CCND3: variants seen among roughly 807,000 people sequenced by gnomAD.
The protein encoded by CCND3 is cyclin D3.
In CCND3, 9 loss-of-function variants were observed where a neutral mutation model predicts 28.7. The ratio of observed to expected loss-of-function variants is 0.31; its 90% CI spans 0.19 to 0.55. The LOEUF (loss-of-function observed/expected upper bound fraction) is 0.55. CCND3 is among the 20% of genes least tolerant of loss of function. The pLI is 0.93. For missense variants in CCND3, 315 were observed against 385.8 expected (o/e 0.82, Z 1.54); for synonymous variants, 164 against 163.9 (o/e 1.00, Z 0.00).
At chr6:42,003,162 C>CAAAAAAAAAAAAAAAA (rs55721061) in intron 1 of CCND3, among the ~76,000 whole-genome samples, 3 of 110,344 alleles carry the variant, frequency 2.7e-5, no homozygotes, top group African/African-American at 1.0e-4. Context: ...AACAGCGTGT[C>CAAAAAAAAAAAAAAAA]AAAAAAAAAA....
At chr6:42,024,989 T>G (rs1010299035) in intron 1 of CCND3, among the ~76,000 whole-genome samples, 1 of 151,594 alleles carries the variant, frequency 6.6e-6, no homozygotes, top group African/African-American at 2.4e-5. Context: ...ACCCAGGAGG[T>G]GGAGGTTGCA....
chr6:41,941,031 C>G lies in CCND3; in HGVS notation c.198+421G>C, dbSNP rs773012459. The G allele has an allele frequency of 1.2e-6, 2 of 1,604,732 alleles. No homozygotes were observed. The highest frequency in any genetic ancestry group is 2.2e-5 in the South Asian group (2 of 90,590). On this transcript the variant is annotated intron_variant, in intron 1 of 4. Coordinates refer to ENST00000372991, the MANE Select transcript of CCND3 (RefSeq NM_001760.5). The surrounding 1 kb of genome is among the most constrained non-coding windows in gnomAD (Gnocchi z 6.1). ...GTCGGCCGGAACAGGGCGCGCGCCA[C>G]CCCCATCGCCTTCCCCGCCAGAACC... is the stretch of plus-strand genomic sequence containing the variant.
At chr6:41,966,367 C>A (rs1427568110) in intron 1 of CCND3, among the ~76,000 whole-genome samples, 2 of 152,004 alleles carry the variant, frequency 1.3e-5, no homozygotes, top group African/African-American at 4.8e-5. Flanking sequence ...CTGCAATGAG[C>A]CATAATTGCC....
At chr6:42,044,579 A>G (rs1278792604) in intron 1 of CCND3, among the ~76,000 whole-genome samples, 1 of 152,104 alleles carries the variant, frequency 6.6e-6, no homozygotes, top group Non-Finnish European at 1.5e-5. Context: ...AGAAAGTTCT[A>G]CGTTTTTTGA....
intron 1 of CCND3, among the ~76,000 whole-genome samples, chr6:41,998,931 G>A (rs1184634081): frequency 8.6e-5 from 13 of 151,996 alleles, no homozygotes; most frequent in Non-Finnish European, 1.8e-4. Flanking sequence ...CGCCCGCCTC[G>A]GCCTCCCCAA....
At chr6:42,034,143 C>T (rs1764125555) in intron 1 of CCND3, among the ~76,000 whole-genome samples, 1 of 150,190 alleles carries the variant, frequency 6.7e-6, no homozygotes, top group African/African-American at 2.5e-5. Flanking sequence ...GAGCAAGACC[C>T]TGTCTTTTTT....
At position 42,048,801 on chromosome 6, in the gene CCND3, ACT is replaced by A; in HGVS notation, c.-348_-347del. 2.4e-6 allele frequency: 1 copy of A among 424,936 alleles called. No homozygotes were observed. The highest frequency in any genetic ancestry group is 1.6e-5 in the South Asian group (1 of 61,480). 26.3% of individuals were successfully genotyped at this position (424,936 alleles called of 1,614,324 possible). A position where few individuals can be genotyped will look rare whatever the true frequency, so the allele number is the denominator to read the frequency against. ...CAGCCAAGTTTCGGTCCCCGGCCTG[ACT>A]CTCCCACCCCCTGTACACCCTCGGC... On this transcript the variant is annotated 5_prime_UTR_variant, in exon 1 of 5. Coordinates refer to the CCND3 transcript ENST00000372988. The surrounding 1 kb of genome is among the most constrained non-coding windows in gnomAD (Gnocchi z 4.7).
intron 1 of CCND3, chr6:41,940,980 C>T (rs765830709): frequency 1.7e-5 from 28 of 1,612,846 alleles, no homozygotes; most frequent in Non-Finnish European, 2.4e-5. Context: ...GCTCCTGCCG[C>T]TGCCTCCTGC....
chr6:42,004,495 G>A (rs537036246), intron 1 of CCND3, among the ~76,000 whole-genome samples: 223 of 152,252 alleles, frequency 1.5e-3, no homozygotes, highest in African/African-American at 4.4e-3. Context: ...CACTTTGGGA[G>A]GCCCAGGCGG....
Position 41,935,925 on chromosome 6 carries a change from A to G in CCND3, c.*15T>C, listed in dbSNP as rs2127389118. On this transcript the variant is annotated 3_prime_UTR_variant, in exon 5 of 5. Coordinates refer to ENST00000372991, the MANE Select transcript of CCND3 (RefSeq NM_001760.5). ...CTCCTCTGCTTAGTGGCCACTCCAG[A>G]GGGCCTCTCCAGGGCTACAGGTGTA... 1.2e-6 allele frequency: 2 copies of G among 1,601,498 alleles called. No individual in the cohort carries two copies. The highest frequency in any genetic ancestry group is 3.5e-5 in the Admixed American group (2 of 57,418).
chr6:42,048,657 C>T lies in CCND3; in HGVS notation c.-202G>A, dbSNP rs1437214370. On this transcript the variant is annotated 5_prime_UTR_variant, in exon 1 of 5. Coordinates refer to the CCND3 transcript ENST00000372988. This position sits in a 1 kb window ranked among gnomAD's most constrained non-coding sequence, Gnocchi z 4.7. ...CCCCCCGGCCGGCATCCGAACAGAG[C>T]CAGTCTCCACCCCTGCAGTGGCGAA... 1 of 518,380 alleles carries T rather than the reference C, an allele frequency of 1.9e-6. No individual in the cohort carries two copies. The highest frequency in any genetic ancestry group is 5.5e-5 in the East Asian group (1 of 18,344). 32.1% of individuals were successfully genotyped at this position (518,380 alleles called of 1,614,324 possible).
intron 1 of CCND3, among the ~76,000 whole-genome samples, chr6:42,022,410 C>T (rs541883049): frequency 3.9e-5 from 6 of 152,088 alleles, no homozygotes; most frequent in Non-Finnish European, 7.4e-5. Flanking sequence ...AGGATGGAGG[C>T]GGGGAGGAGA....
intron 1 of CCND3, among the ~76,000 whole-genome samples, chr6:41,964,463 A>AATGT (rs370504613): frequency 1.4e-5 from 2 of 146,110 alleles, no homozygotes; most frequent in Admixed American, 6.8e-5. Context: ...TCTGTGTGTG[A>AATGT]GTGTGTGTGT....
chr6:41,941,412 C>A lies in CCND3; in HGVS notation c.198+40G>T. ...ACAGGGCGGCCCCGGTGTGTCCAGA[C>A]CCGGGAGCGGTGGGGGAGGGGGACG... On this transcript the variant is annotated intron_variant, in intron 1 of 4. Transcript: ENST00000372991. The surrounding 1 kb of genome is among the most constrained non-coding windows in gnomAD (Gnocchi z 6.1). The A allele has an allele frequency of 6.2e-7, 1 of 1,603,464 alleles. No individual in the cohort carries two copies. The highest frequency in any genetic ancestry group is 8.5e-7 in the Non-Finnish European group (1 of 1,176,978).
chr6:41,980,025 C>CACACACACACACACACACACAA (rs1450525619), intron 1 of CCND3, among the ~76,000 whole-genome samples: 3 of 151,842 alleles, frequency 2.0e-5, no homozygotes, highest in Non-Finnish European at 2.9e-5. Flanking sequence ...CACACACACA[C>CACACACACACACACACACACAA]ACACACACAC....
intron 1 of CCND3, among the ~76,000 whole-genome samples, chr6:41,998,804 T>C (rs4452641): frequency 0.98 from 148,790 of 151,834 alleles, 72,965 homozygotes; most frequent in East Asian, 1. Context: ...CTCAGCCTCC[T>C]GAGCAGCTGG....
chr6:42,002,185 C>T (rs1306150868), intron 1 of CCND3, among the ~76,000 whole-genome samples: 2 of 151,548 alleles, frequency 1.3e-5, no homozygotes, highest in African/African-American at 4.9e-5. Context: ...GTGGCTCACA[C>T]CTGTAATCAC....
intron 1 of CCND3, among the ~76,000 whole-genome samples, chr6:42,031,605 T>TG (rs1178949712): frequency 6.6e-6 from 1 of 152,098 alleles, no homozygotes; most frequent in Admixed American, 6.6e-5. Flanking sequence ...TTTCAAAAAG[T>TG]GAAAAAAGCA....
intron 1 of CCND3, among the ~76,000 whole-genome samples, chr6:42,021,803 G>A (rs1231759046): frequency 6.6e-6 from 1 of 152,196 alleles, no homozygotes; most frequent in Non-Finnish European, 1.5e-5. Flanking sequence ...TAAAGGCCTG[G>A]AAAGGTGAGT....
Sources: allele counts gnomAD v4.1 joint callset (sites outside exome capture counted in the v4.1 genomes callset), GRCh38; gene constraint gnomAD v4.1.1; non-coding constraint Gnocchi (gnomAD v3.1); transcripts MANE v1.5; gene names NCBI Gene and HGNC (gene_info 2026-07-23, HGNC 2026-07-21).